GRM5: variants seen among roughly 807,000 people sequenced by gnomAD.
The protein encoded by GRM5 is glutamate metabotropic receptor 5, also known as metabotropic glutamate receptor 5.
GRM5 carries 19 observed loss-of-function variants against 83.1 expected under a neutral mutation model. The ratio of observed to expected loss-of-function variants is 0.23; its 90% CI spans 0.16 to 0.34. The LOEUF (loss-of-function observed/expected upper bound fraction) is 0.34, where lower values mean the gene tolerates loss of function less well. GRM5 is among the 10% of genes least tolerant of loss of function. The probability of loss-of-function intolerance (pLI) is 1.00; values close to 1 mark genes in which losing one functional copy is unlikely to be tolerated. For missense variants in GRM5, 1,160 were observed against 1,588.3 expected (o/e 0.73, Z 4.58); for synonymous variants, 675 against 633.6 (o/e 1.07, Z -0.98).
At chr11:88,997,664 T>C (rs952565130) in intron 2 of GRM5, among the ~76,000 whole-genome samples, 1 of 152,014 alleles carries the variant, frequency 6.6e-6, no homozygotes, top group African/African-American at 2.4e-5. Context: ...AAGGGGATAC[T>C]ACAAATAGCG....
intron 3 of GRM5, among the ~76,000 whole-genome samples, chr11:88,720,796 C>CTG (rs748475378): frequency 0.055 from 7,779 of 141,490 alleles, 600 homozygotes; most frequent in African/African-American, 0.18. Context: ...AATCATTACT[C>CTG]TGTGTGTGTG....
At chr11:88,951,715 A>C (rs1938469869) in intron 2 of GRM5, among the ~76,000 whole-genome samples, 1 of 152,234 alleles carries the variant, frequency 6.6e-6, no homozygotes, top group Admixed American at 6.5e-5. Flanking sequence ...CAACGTCTAT[A>C]GTGCAAGGAT....
At chr11:88,599,391 A>G (rs1465164164) in intron 5 of GRM5, among the ~76,000 whole-genome samples, 3 of 152,216 alleles carry the variant, frequency 2.0e-5, no homozygotes, top group Admixed American at 2.0e-4. Context: ...ATTGTTTCTT[A>G]ATACAAGGCA....
intron 4 of GRM5, among the ~76,000 whole-genome samples, chr11:88,615,622 G>A (rs887757137): frequency 2.7e-5 from 4 of 149,590 alleles, no homozygotes; most frequent in Admixed American, 6.6e-5. Context: ...ATCAGCTAGG[G>A]GCTATTTCCA....
chr11:88,974,808 T>C (rs1240042916), intron 2 of GRM5, among the ~76,000 whole-genome samples: 1 of 152,098 alleles, frequency 6.6e-6, no homozygotes, highest in Non-Finnish European at 1.5e-5. Flanking sequence ...CTCACCCCAT[T>C]AAATGAGGTA....
chr11:88,555,112 C>T (rs1013880595), intron 8 of GRM5, among the ~76,000 whole-genome samples: 7 of 152,108 alleles, frequency 4.6e-5, no homozygotes, highest in Admixed American at 4.6e-4. Context: ...AATCTTAGAT[C>T]ACTTAACCTC....
At chr11:88,987,661 C>T (rs968629245) in intron 2 of GRM5, among the ~76,000 whole-genome samples, 115 of 152,206 alleles carry the variant, frequency 7.6e-4, no homozygotes, top group Non-Finnish European at 1.5e-3. Context: ...AGCTGGAGAT[C>T]TGAGAATGGG....
At chr11:88,642,090 C>T (rs1939311056) in intron 4 of GRM5, among the ~76,000 whole-genome samples, 1 of 152,146 alleles carries the variant, frequency 6.6e-6, no homozygotes, top group Non-Finnish European at 1.5e-5. Flanking sequence ...CATATAGCTT[C>T]TGAAATCGAG....
intron 2 of GRM5, among the ~76,000 whole-genome samples, chr11:88,923,336 T>G (rs917737947): frequency 2.0e-5 from 3 of 152,176 alleles, no homozygotes; most frequent in African/African-American, 7.2e-5. Flanking sequence ...AAGGCAAATG[T>G]AGCGCATATA....
At chr11:88,966,501 G>C (rs1236419640) in intron 2 of GRM5, among the ~76,000 whole-genome samples, 1 of 152,080 alleles carries the variant, frequency 6.6e-6, no homozygotes, top group Non-Finnish European at 1.5e-5. Context: ...AATTGAATAA[G>C]GGACATCATT....
chr11:88,566,111 A>G (rs1942868687), intron 8 of GRM5, among the ~76,000 whole-genome samples: 1 of 152,192 alleles, frequency 6.6e-6, no homozygotes, highest in Non-Finnish European at 1.5e-5. Context: ...ATACTGTTAA[A>G]TTTCAGAAGA....
intron 2 of GRM5, among the ~76,000 whole-genome samples, chr11:88,943,946 T>C (rs1324963404): frequency 1.3e-5 from 2 of 152,008 alleles, no homozygotes; most frequent in African/African-American, 4.8e-5. Context: ...GAAATGGAGA[T>C]GTCTAGCCTT....
At position 89,064,326 on chromosome 11, in the gene GRM5, TA is replaced by T. The variant is rs375015097; in HGVS notation, c.-201+1449del. The stretch of plus-strand genomic sequence containing the variant: ...TAAAAATAAATAAATAATAAAACAC[TA>T]AAAAAATAGCATATGACTTTAGGCT... On this transcript the variant is annotated intron_variant, in intron 1 of 9. Transcript: ENST00000305447. Among the ~76,000 whole-genome samples, 35 of 152,134 alleles carry T rather than the reference TA, an allele frequency of 2.3e-4. No individual in the cohort carries two copies. The East Asian group carries it at 3.5e-3, about 15-fold the overall frequency.
chr11:88,681,877 G>A (rs930125380), intron 3 of GRM5, among the ~76,000 whole-genome samples: 4 of 151,522 alleles, frequency 2.6e-5, no homozygotes, highest in African/African-American at 9.7e-5. Flanking sequence ...CCCTCTTTTT[G>A]TTATTCATGT....
intron 8 of GRM5, among the ~76,000 whole-genome samples, chr11:88,552,544 C>G (rs561940715): frequency 6.6e-6 from 1 of 152,246 alleles, no homozygotes; most frequent in South Asian, 2.1e-4. Flanking sequence ...TATTGCTACA[C>G]AAGCTGAGTG....
chr11:89,017,379 C>A (rs1460172785), intron 2 of GRM5, among the ~76,000 whole-genome samples: 2 of 152,142 alleles, frequency 1.3e-5, no homozygotes, highest in South Asian at 2.1e-4. Context: ...AATTAAAAAA[C>A]AAACAAGGCA....
intron 4 of GRM5, among the ~76,000 whole-genome samples, chr11:88,606,432 G>T (rs1283287643): frequency 6.6e-6 from 1 of 152,206 alleles, no homozygotes; most frequent in Admixed American, 6.5e-5. Flanking sequence ...TGAGGCAGGA[G>T]AATCCCTTTA....
intron 3 of GRM5, among the ~76,000 whole-genome samples, chr11:88,827,236 A>G (rs1404167190): frequency 6.6e-6 from 1 of 152,106 alleles, no homozygotes; most frequent in Non-Finnish European, 1.5e-5. Flanking sequence ...CTCTCCTGTA[A>G]TTGCATCACC....
At chr11:88,928,277 A>C (rs1233641090) in intron 2 of GRM5, among the ~76,000 whole-genome samples, 2 of 152,064 alleles carry the variant, frequency 1.3e-5, no homozygotes, top group Admixed American at 1.3e-4. Context: ...ATTGTAGGCG[A>C]ATCATTTCTC....
Sources: allele counts gnomAD v4.1 joint callset (sites outside exome capture counted in the v4.1 genomes callset), GRCh38; gene constraint gnomAD v4.1.1; transcripts MANE v1.5; gene names NCBI Gene and HGNC (gene_info 2026-07-23, HGNC 2026-07-21).